The following SIPA1L1 variants were observed in gnomAD, a reference collection of about 807,000 sequenced individuals.
SIPA1L1 encodes signal induced proliferation associated 1 like 1.
Under a neutral mutation model 162.7 loss-of-function variants are expected in SIPA1L1, and 26 were observed. The ratio of observed to expected loss-of-function variants is 0.16; its 90% CI spans 0.12 to 0.22. The LOEUF (loss-of-function observed/expected upper bound fraction) is 0.22. Ranked by LOEUF, SIPA1L1 falls within the 10% of genes least tolerant of loss-of-function variation. The pLI is 1.00. For missense variants in SIPA1L1, 1,874 were observed against 2,241.0 expected (o/e 0.84, Z 3.31); for synonymous variants, 829 against 837.4 (o/e 0.99, Z 0.17).
chr14:71,542,352 CTCTT>C (rs1251427411), intron 4 of SIPA1L1, among the ~76,000 whole-genome samples: 1 of 117,266 alleles, frequency 8.5e-6, no homozygotes, highest in Non-Finnish European at 1.9e-5. Context: ...TCCTTCTTTC[CTCTT>C]TCTTCTTCTT....
intron 1 of SIPA1L1, among the ~76,000 whole-genome samples, chr14:71,320,738 T>G (rs1465320279): frequency 7.6e-6 from 1 of 130,882 alleles, no homozygotes; most frequent in African/African-American, 2.8e-5. Flanking sequence ...ACCTTGGACC[T>G]TCGGAGCCCG....
chr14:71,632,182 A>C (rs1443755445), intron 7 of SIPA1L1, among the ~76,000 whole-genome samples: 1 of 152,224 alleles, frequency 6.6e-6, no homozygotes, highest in Non-Finnish European at 1.5e-5. Flanking sequence ...AAACAAACAT[A>C]AAATGAATCT....
intron 2 of SIPA1L1, among the ~76,000 whole-genome samples, chr14:71,493,861 A>G (rs1215367199): frequency 6.6e-6 from 1 of 152,202 alleles, no homozygotes; most frequent in Non-Finnish European, 1.5e-5. Context: ...TAGATTCAGC[A>G]TTTTGTTTGT....
chr14:71,671,251 T>G lies in SIPA1L1; in HGVS notation c.2388T>G (p.His796Gln). Reference sequence around the variant, plus strand: ...TGATTAATGCAGAAAATGCTGCTCATAAATCGGAGAAGTTTCGGGCCATGG... The same window carrying G: ...TGATTAATGCAGAAAATGCTGCTCAGAAATCGGAGAAGTTTCGGGCCATGG... ...AKVINAENAA[H>Q]KSEKFRAMAT... is the part of the protein sequence containing the mutation. Residue 796 changes from histidine to glutamine, a missense_variant, in exon 11 of 24, where the codon CAT becomes CAG. Physicochemically the swap from His to Gln is conservative, Grantham distance 24. Coordinates refer to ENST00000381232, the MANE Select transcript of SIPA1L1 (RefSeq NM_001386936.1). 1.2e-6 allele frequency: 2 copies of G among 1,614,168 alleles called. No homozygotes were observed.
chr14:71,732,339 C>T (rs2084869004), intron 20 of SIPA1L1, among the ~76,000 whole-genome samples: 1 of 152,162 alleles, frequency 6.6e-6, no homozygotes, highest in Admixed American at 6.5e-5. Context: ...TTTGCATGGA[C>T]CTGAGTGTCG....
chr14:71,724,890 G>T lies in SIPA1L1; in HGVS notation c.4614+55G>T, dbSNP rs958665793. The T allele has an allele frequency of 1.4e-5, 21 of 1,493,328 alleles. No homozygotes were observed. The Admixed American group carries it at 3.8e-4, about 27-fold the overall frequency. The allele number at this position is 1,493,328 out of a possible 1,614,324, so 92.5% of individuals were successfully genotyped here. On this transcript the variant is annotated intron_variant, in intron 19 of 23. Transcript: ENST00000381232. Reference sequence around the variant, plus strand: ...ATTAGAAACAAGCCAGACATGATGGGGCTATTAACCATAGTCACACTTTCC... The same window carrying T: ...ATTAGAAACAAGCCAGACATGATGGTGCTATTAACCATAGTCACACTTTCC...
chr14:71,395,940 G>T (rs2041158601), intron 2 of SIPA1L1, among the ~76,000 whole-genome samples: 1 of 152,190 alleles, frequency 6.6e-6, no homozygotes, highest in Non-Finnish European at 1.5e-5. Flanking sequence ...CAGGGACAAA[G>T]TAAGGGTAAG....
intron 4 of SIPA1L1, among the ~76,000 whole-genome samples, chr14:71,538,308 C>T (rs752995242): frequency 5.3e-5 from 8 of 151,890 alleles, no homozygotes; most frequent in Non-Finnish European, 1.0e-4. Flanking sequence ...ATAAATTAGC[C>T]GAAATAAAAT....
At chr14:71,371,771 A>G (rs966935782) in intron 2 of SIPA1L1, among the ~76,000 whole-genome samples, 2 of 152,162 alleles carry the variant, frequency 1.3e-5, no homozygotes, top group African/African-American at 4.8e-5. Flanking sequence ...TTATGGAGCT[A>G]TGGATGGTTG....
chr14:71,598,382 A>G (rs192375165), intron 5 of SIPA1L1: 1 of 247,020 alleles, frequency 4.0e-6, no homozygotes, highest in East Asian at 1.8e-4. Flanking sequence ...TAGTAACTTT[A>G]TGGTGGAGAA....
intron 7 of SIPA1L1, among the ~76,000 whole-genome samples, chr14:71,644,095 C>G (rs1783560341): frequency 6.6e-6 from 1 of 152,180 alleles, no homozygotes; most frequent in Admixed American, 6.5e-5. Context: ...CGTGAGCCAC[C>G]ATGCCTGGCC....
At chr14:71,367,607 C>CTTTT (rs773250069) in intron 2 of SIPA1L1, among the ~76,000 whole-genome samples, 33 of 121,048 alleles carry the variant, frequency 2.7e-4, no homozygotes, top group African/African-American at 7.8e-4. Context: ...CGTGCCCGGC[C>CTTTT]TTTTTTTTTT....
intron 7 of SIPA1L1, among the ~76,000 whole-genome samples, chr14:71,643,966 C>T (rs1271025826): frequency 6.6e-6 from 1 of 152,030 alleles, no homozygotes; most frequent in Non-Finnish European, 1.5e-5. Flanking sequence ...CACCACCACG[C>T]CCAGCTAAAT....
At chr14:71,522,128 CTCTT>C (rs1373241363) in intron 3 of SIPA1L1, among the ~76,000 whole-genome samples, 4 of 152,186 alleles carry the variant, frequency 2.6e-5, no homozygotes, top group African/African-American at 9.6e-5. Context: ...ATAGTTCTCT[CTCTT>C]AGTTTATTGA....
chr14:71,529,761 A>G (rs1194684872), intron 4 of SIPA1L1, among the ~76,000 whole-genome samples: 1 of 152,206 alleles, frequency 6.6e-6, no homozygotes, highest in Non-Finnish European at 1.5e-5. Context: ...CTCTGGCTAC[A>G]TCAGTGAGTG....
chr14:71,513,594 T>C (rs2051391479), intron 3 of SIPA1L1, among the ~76,000 whole-genome samples: 1 of 152,104 alleles, frequency 6.6e-6, no homozygotes, highest in African/African-American at 2.4e-5. Flanking sequence ...CTTAAGGGAT[T>C]CATTCTCCTA....
chr14:71,724,608 A>C, intron 18 of SIPA1L1, 62 bp from the exon 19 acceptor site: 1 of 1,404,408 alleles, frequency 7.1e-7, no homozygotes, highest in Non-Finnish European at 9.8e-7. Context: ...TTTAGAGCCC[A>C]TCATGCCCTT....
chr14:71,351,584 G>C (rs2036711672), intron 2 of SIPA1L1, among the ~76,000 whole-genome samples: 1 of 149,708 alleles, frequency 6.7e-6, no homozygotes, highest in Non-Finnish European at 1.5e-5. Context: ...CAGAGTGTAA[G>C]AGTTTCCTGT....
intron 10 of SIPA1L1, among the ~76,000 whole-genome samples, chr14:71,662,756 C>T (rs1172536276): frequency 1.3e-5 from 2 of 152,142 alleles, no homozygotes; most frequent in Admixed American, 1.3e-4. Context: ...GCAGAACCCC[C>T]AACAATGAAG....
Sources: gnomAD v4.1 joint callset for allele counts (sites outside exome capture counted in the v4.1 genomes callset) on GRCh38, gnomAD v4.1.1 for gene constraint, MANE v1.5 for transcripts, NCBI Gene and HGNC (gene_info 2026-07-23, HGNC 2026-07-21) for gene names.